Variants in CADPS observed in about 807,000 individuals in gnomAD.
The protein encoded by CADPS is calcium-dependent secretion activator 1.
A neutral mutation model predicts 167.3 loss-of-function variants in CADPS; 57 were observed. The observed-to-expected ratio is 0.34, with a 90% CI of 0.28 to 0.42. The LOEUF is 0.42. CADPS is among the 20% of genes least tolerant of loss of function. The pLI is 1.00. For missense variants in CADPS, 1,414 were observed against 1,738.1 expected, an observed-to-expected ratio of 0.81 and a Z score of 3.32; for synonymous variants, 676 against 635.3, an observed-to-expected ratio of 1.06 and a Z score of -0.96.
chr3:62,704,281 A>C (rs1291947764), intron 3 of CADPS, among the ~76,000 whole-genome samples: 1 of 152,160 alleles, frequency 6.6e-6, no homozygotes, highest in Non-Finnish European at 1.5e-5. Flanking sequence ...AGGTAACTTC[A>C]TTCTTCATTA....
chr3:62,669,192 G>T (rs925712188), intron 3 of CADPS, among the ~76,000 whole-genome samples: 1 of 152,126 alleles, frequency 6.6e-6, no homozygotes, highest in Admixed American at 6.5e-5. Flanking sequence ...GTGCCCCCTG[G>T]GTTCCCAGAG....
At chr3:62,527,914 A>G (rs1422262027) in intron 13 of CADPS, among the ~76,000 whole-genome samples, 2 of 152,164 alleles carry the variant, frequency 1.3e-5, no homozygotes, top group Non-Finnish European at 2.9e-5. Flanking sequence ...CCACATCCAA[A>G]TGCTGGTCAT....
chr3:62,607,363 G>A (rs2060831275), intron 6 of CADPS, among the ~76,000 whole-genome samples: 4 of 152,184 alleles, frequency 2.6e-5, no homozygotes, highest in Non-Finnish European at 5.9e-5. Context: ...AAGCAAGTGT[G>A]TTAACACCTC....
chr3:62,592,754 G>A lies in CADPS; in HGVS notation c.1326-6C>T. 1.2e-6 allele frequency: 2 copies of A among 1,606,384 alleles called. No individual in the cohort carries two copies. Among genetic ancestry groups the A allele is most frequent in the Non-Finnish European group, 1.7e-6 (2 of 1,173,098 alleles). Reference sequence around the variant, plus strand: ...AGTCACCCTGGGTGCCCCAGCTGCAGACAGAATCAAAGAGGTCATTGTAGA... The same window carrying A: ...AGTCACCCTGGGTGCCCCAGCTGCAAACAGAATCAAAGAGGTCATTGTAGA... On this transcript the variant is annotated splice_region_variant and splice_polypyrimidine_tract_variant and intron_variant, in intron 6 of 29. Transcript: ENST00000383710.
chr3:62,630,187 A>G (rs2065019648), intron 6 of CADPS, among the ~76,000 whole-genome samples: 1 of 152,166 alleles, frequency 6.6e-6, no homozygotes, highest in South Asian at 2.1e-4. Flanking sequence ...CATGTATTGA[A>G]TGAATAAGGA....
intron 1 of CADPS, among the ~76,000 whole-genome samples, chr3:62,850,524 G>T (rs559635011): frequency 2.4e-5 from 3 of 125,696 alleles, no homozygotes; most frequent in South Asian, 3.2e-4. Context: ...CCTTCATTTC[G>T]TTATGTACCC....
chr3:62,441,513 C>A (rs145741380), intron 27 of CADPS, among the ~76,000 whole-genome samples: 63 of 152,298 alleles, frequency 4.1e-4, no homozygotes, highest in African/African-American at 1.5e-3. Flanking sequence ...AAGACATATG[C>A]TTTGGGGATC....
At position 62,438,233 on chromosome 3, in the gene CADPS, T is replaced by C; in HGVS notation, c.3670-22A>G. ...GTTTCTGTAAAGAAACAGGAAAACATGAAAACGAATTTTCAGACAGCCACT... is the reference window on the plus strand; with the variant it reads ...GTTTCTGTAAAGAAACAGGAAAACACGAAAACGAATTTTCAGACAGCCACT... On this transcript the variant is annotated intron_variant, in intron 27 of 29. Coordinates refer to ENST00000383710, the MANE Select transcript of CADPS (RefSeq NM_003716.4). This position sits in a 1 kb window ranked among gnomAD's most constrained non-coding sequence, Gnocchi z 4.7. The C allele has an allele frequency of 1.3e-6, 2 of 1,575,450 alleles. No homozygotes were observed.
At chr3:62,503,321 C>T (rs1020423995) in intron 17 of CADPS, among the ~76,000 whole-genome samples, 1 of 152,214 alleles carries the variant, frequency 6.6e-6, no homozygotes, top group Non-Finnish European at 1.5e-5. Flanking sequence ...GCTACTTGAA[C>T]CTCTCTGTGC....
chr3:62,742,265 GA>G (rs1333974232), intron 3 of CADPS, among the ~76,000 whole-genome samples: 3 of 151,818 alleles, frequency 2.0e-5, no homozygotes, highest in Non-Finnish European at 2.9e-5. Context: ...CACAGAACTA[GA>G]AAAAAATATT....
chr3:62,489,406 C>T (rs757667169), intron 21 of CADPS, among the ~76,000 whole-genome samples: 7 of 152,204 alleles, frequency 4.6e-5, no homozygotes, highest in East Asian at 1.9e-4. Flanking sequence ...GTGATCCACC[C>T]GCCTCGGCCT....
At position 62,507,938 on chromosome 3, in the gene CADPS, T is replaced by A. The variant is rs138364212; in HGVS notation, c.2599+4813A>T. On this transcript the variant is annotated intron_variant, in intron 17 of 29. Transcript: ENST00000383710. ...ATATGTATTTTAATCTTTGCAATAA[T>A]TCTCTGGGGGAGGAACCATTATTAG... Among the ~76,000 whole-genome samples the A allele has an allele frequency of 2.4e-3, 361 of 152,336 alleles. 1 individual carries two copies. The highest frequency in any genetic ancestry group is 8.2e-3 in the African/African-American group (341 of 41,584).
At position 62,510,191 on chromosome 3, in the gene CADPS, CATCTATCT is replaced by C. The variant is rs57153814; in HGVS notation, c.2599+2552_2599+2559del. Among the ~76,000 whole-genome samples the C allele has an allele frequency of 3.2e-3, 478 of 148,384 alleles. 2 individuals carry two copies. The highest frequency in any genetic ancestry group is 0.011 in the African/African-American group (436 of 40,064). On this transcript the variant is annotated intron_variant, in intron 17 of 29. Transcript: ENST00000383710. ...CTTTCCTCCCACCTACCTATTTCTG[CATCTATCT>C]ATCTATCTATCTATCTATCTATCTA...
At chr3:62,775,194 A>C (rs1222644460) in intron 1 of CADPS, among the ~76,000 whole-genome samples, 1 of 140,362 alleles carries the variant, frequency 7.1e-6, no homozygotes, top group African/African-American at 2.7e-5. Flanking sequence ...TGCACCACCA[A>C]GCCCAGCCAA....
chr3:62,814,340 A>G (rs573619505), intron 1 of CADPS: 1 of 152,278 alleles, frequency 6.6e-6, no homozygotes, highest in African/African-American at 2.4e-5. Context: ...GTTTAACTCA[A>G]TATAGCCACA....
chr3:62,536,956 A>G (rs2074804709), intron 11 of CADPS, among the ~76,000 whole-genome samples: 1 of 152,150 alleles, frequency 6.6e-6, no homozygotes, highest in East Asian at 1.9e-4. Context: ...TTTTTAATAG[A>G]TTCTGCCATT....
Position 62,875,324 on chromosome 3 carries a change from A to G in CADPS, c.-295T>C, listed in dbSNP as rs2153228909. On this transcript the variant is annotated 5_prime_UTR_variant, in exon 1 of 30. It removes an upstream start codon present in the reference 5' UTR. Transcript: ENST00000383710. ...AGCCCCGAGCCCGCAGCCGGATGCC[A>G]TCTGCGGCTGCTGAAGGAGGCGCCT... 1 of 200,416 alleles carries G rather than the reference A, an allele frequency of 5.0e-6. No individual in the cohort carries two copies. The highest frequency in any genetic ancestry group is 1.1e-4 in the East Asian group (1 of 9,276). 12.4% of individuals were successfully genotyped at this position (200,416 alleles called of 1,614,324 possible). A position where few individuals can be genotyped will look rare whatever the true frequency, so the allele number is the denominator to read the frequency against.
chr3:62,664,117 C>T (rs2073955373), intron 3 of CADPS, among the ~76,000 whole-genome samples: 1 of 152,142 alleles, frequency 6.6e-6, no homozygotes, highest in Non-Finnish European at 1.5e-5. Context: ...AGCAATTCCC[C>T]TGCCTCAGCC....
intron 3 of CADPS, among the ~76,000 whole-genome samples, chr3:62,663,018 A>G (rs1054360052): frequency 1.3e-5 from 2 of 152,222 alleles, no homozygotes; most frequent in Non-Finnish European, 2.9e-5. Context: ...ATAAGCCTGG[A>G]CAATTCCCTA....
Sources: allele counts gnomAD v4.1 joint callset (sites outside exome capture counted in the v4.1 genomes callset), GRCh38; gene constraint gnomAD v4.1.1; non-coding constraint Gnocchi (gnomAD v3.1); transcripts MANE v1.5; gene names NCBI Gene and HGNC (gene_info 2026-07-23, HGNC 2026-07-21).